The following GLIS3 variants were observed in gnomAD, a reference collection of about 807,000 sequenced individuals.
GLIS3 encodes zinc finger protein GLIS3.
GLIS3 carries 53 observed loss-of-function variants against 78.6 expected under a neutral mutation model. That is an observed-to-expected ratio of 0.67 (90% CI 0.54 to 0.85). The LOEUF (loss-of-function observed/expected upper bound fraction) is 0.85, where lower values mean the gene tolerates loss of function less well. GLIS3 is among the 40% of genes least tolerant of loss of function. GLIS3 has a pLI of 0.00. For synonymous variants in GLIS3, 684 were observed against 509.9 expected, an observed-to-expected ratio of 1.34 and a Z score of -4.60; for missense variants, 1,703 against 1,231.1, an observed-to-expected ratio of 1.38 and a Z score of -5.74.
rs936395480 is a variant in GLIS3, at chr9:4,006,089, C to T, written c.1711-68900G>A. On this transcript the variant is annotated intron_variant, in intron 4 of 10. Transcript: ENST00000381971. ...TATGGGAAGGAAACACGCAAACCACCTTCCTCTCTCCTCTGCTTTCAATGG... is the reference window on the plus strand; with the variant it reads ...TATGGGAAGGAAACACGCAAACCACTTTCCTCTCTCCTCTGCTTTCAATGG... Among the ~76,000 whole-genome samples the T allele has an allele frequency of 3.9e-5, 6 of 152,090 alleles. No individual in the cohort carries two copies. The East Asian group carries it at 1.2e-3, about 29-fold the overall frequency.
intron 2 of GLIS3, among the ~76,000 whole-genome samples, chr9:4,328,651 G>A (rs1054354988): frequency 1.3e-5 from 2 of 152,248 alleles, no homozygotes; most frequent in Admixed American, 6.5e-5. Flanking sequence ...TGAAGCCAGA[G>A]AGCCTGGGCT....
intron 2 of GLIS3, among the ~76,000 whole-genome samples, chr9:4,197,981 T>C (rs1270335490): frequency 6.6e-6 from 1 of 151,420 alleles, no homozygotes; most frequent in African/African-American, 2.4e-5. Flanking sequence ...AAAATATATA[T>C]GGAAAGAAAG....
chr9:4,307,345 A>G (rs1362426247), intron 4 of GLIS3, among the ~76,000 whole-genome samples: 2 of 152,196 alleles, frequency 1.3e-5, no homozygotes, highest in Non-Finnish European at 2.9e-5. Flanking sequence ...TATAAATTAT[A>G]CATGTAATGA....
chr9:4,237,510 GGGCA>G (rs1563807491), intron 2 of GLIS3, among the ~76,000 whole-genome samples: 1 of 152,172 alleles, frequency 6.6e-6, no homozygotes, highest in East Asian at 1.9e-4. Flanking sequence ...CTGAGCCCTA[GGGCA>G]TGGCTGAAAA....
chr9:3,905,140 A>ATTTTTTTTTTTTTTT (rs369063136), intron 6 of GLIS3, among the ~76,000 whole-genome samples: 2 of 109,120 alleles, frequency 1.8e-5, no homozygotes, highest in Non-Finnish European at 1.8e-5. Context: ...GCCCGGTTAA[A>ATTTTTTTTTTTTTTT]TTTTTTTCTT....
Position 4,118,130 on chromosome 9 carries a change from G to T in GLIS3, c.1348C>A (p.Pro450Thr), listed in dbSNP as rs1586721598. 6.4e-7 allele frequency: 1 copy of T among 1,551,534 alleles called. No individual in the cohort carries two copies. The change falls in exon 4 of 11, where the codon CCT (proline) becomes ACT (threonine). Residue 450 changes from proline (P) to threonine (T), a missense_variant. Transcript: ENST00000381971. This position sits in a 1 kb window ranked among gnomAD's most constrained non-coding sequence, Gnocchi z 4.7. ...TVDLPPAPPLPPLPPPPGPPP... is the reference protein window; with the variant it reads ...TVDLPPAPPLTPLPPPPGPPP... ...GGGCCTGGGGGCGGCGGCAGAGGAG[G>T]GAGCGGAGGCGCGGGGGGTAGGTCT...
chr9:4,199,206 C>A (rs367548067), intron 2 of GLIS3, among the ~76,000 whole-genome samples: 8 of 152,252 alleles, frequency 5.3e-5, no homozygotes, highest in African/African-American at 1.7e-4. Context: ...CAAAGTCTCA[C>A]ATCTCAGTAT....
chr9:4,067,797 T>C (rs534724977), intron 4 of GLIS3, among the ~76,000 whole-genome samples: 1 of 85,170 alleles, frequency 1.2e-5, no homozygotes, highest in Admixed American at 1.5e-4. Flanking sequence ...ACCATGAACA[T>C]TAGAGCAAAA....
chr9:4,165,294 A>T (rs147615992), intron 2 of GLIS3, among the ~76,000 whole-genome samples: 3,177 of 152,272 alleles, frequency 0.021, 49 homozygotes, highest in Non-Finnish European at 0.03. Flanking sequence ...TACAAAAATT[A>T]GCCGGGCGTG....
At chr9:4,020,344 A>G (rs1012884775) in intron 4 of GLIS3, among the ~76,000 whole-genome samples, 1 of 152,032 alleles carries the variant, frequency 6.6e-6, no homozygotes, top group South Asian at 2.1e-4. Flanking sequence ...GACTGGTGCA[A>G]AAAAGGCTTG....
At chr9:4,222,519 CAT>C (rs1821417862) in intron 2 of GLIS3, among the ~76,000 whole-genome samples, 1 of 152,216 alleles carries the variant, frequency 6.6e-6, no homozygotes, top group African/African-American at 2.4e-5. Context: ...CTACAATAAA[CAT>C]AAATAGACCC....
At chr9:4,328,157 A>C (rs150484259) in intron 2 of GLIS3, among the ~76,000 whole-genome samples, 20 of 152,278 alleles carry the variant, frequency 1.3e-4, no homozygotes, top group South Asian at 6.2e-4. Flanking sequence ...AGTGCCAGTA[A>C]GTCATGTCCT....
At chr9:4,406,100 A>G in the GLIS3 span, among the ~76,000 whole-genome samples, 5 of 152,232 alleles carry the variant, frequency 3.3e-5, no homozygotes, top group East Asian at 9.6e-4. Context: ...AAAAGACTGT[A>G]TAACACAGCC....
chr9:3,950,709 G>T (rs1407559830), intron 4 of GLIS3, among the ~76,000 whole-genome samples: 1 of 152,248 alleles, frequency 6.6e-6, no homozygotes, highest in East Asian at 1.9e-4. Context: ...TGGAACGTGA[G>T]TCCGCTAGGA....
At chr9:4,324,321 G>A (rs1817573212) in intron 2 of GLIS3, among the ~76,000 whole-genome samples, 1 of 152,176 alleles carries the variant, frequency 6.6e-6, no homozygotes, top group Non-Finnish European at 1.5e-5. Context: ...ATGTGGAGTT[G>A]TGACCCTTGC....
chr9:4,389,714 G>C, the GLIS3 span, among the ~76,000 whole-genome samples: 1 of 152,198 alleles, frequency 6.6e-6, no homozygotes, highest in African/African-American at 2.4e-5. Context: ...TTTGAGGAAA[G>C]ACACACAGAC....
intron 2 of GLIS3, among the ~76,000 whole-genome samples, chr9:4,285,188 G>A (rs1039326417): frequency 6.6e-6 from 1 of 152,090 alleles, no homozygotes; most frequent in Non-Finnish European, 1.5e-5. Flanking sequence ...ATATATAATT[G>A]TGCTATTTTA....
chr9:4,221,677 G>C (rs896430106), intron 2 of GLIS3, among the ~76,000 whole-genome samples: 1 of 152,152 alleles, frequency 6.6e-6, no homozygotes, highest in Non-Finnish European at 1.5e-5. Context: ...TTGGTTACCA[G>C]GGGGTTATAC....
chr9:3,872,209 G>C (rs1028647078), intron 8 of GLIS3, among the ~76,000 whole-genome samples: 11 of 152,120 alleles, frequency 7.2e-5, no homozygotes, highest in Non-Finnish European at 1.5e-4. Context: ...TCAGCATTTT[G>C]GGCAAAGCCA....
Sources: allele counts gnomAD v4.1 joint callset (sites outside exome capture counted in the v4.1 genomes callset), GRCh38; gene constraint gnomAD v4.1.1; non-coding constraint Gnocchi (gnomAD v3.1); transcripts MANE v1.5; gene names NCBI Gene and HGNC (gene_info 2026-07-23, HGNC 2026-07-21).